Variants in ATP11B observed in about 807,000 individuals in gnomAD.
ATP11B encodes phospholipid-transporting ATPase IF.
Under a neutral mutation model 157.8 loss-of-function variants are expected in ATP11B, and 81 were observed. The ratio of observed to expected loss-of-function variants is 0.51; its 90% CI spans 0.43 to 0.62. ATP11B has a LOEUF of 0.62. Ranked by LOEUF, ATP11B falls within the 20% of genes least tolerant of loss-of-function variation. The pLI is 0.00. For synonymous variants in ATP11B, 451 were observed against 469.4 expected, an observed-to-expected ratio of 0.96 and a Z score of 0.51; for missense variants, 1,165 against 1,402.2, an observed-to-expected ratio of 0.83 and a Z score of 2.70.
intron 1 of ATP11B, among the ~76,000 whole-genome samples, chr3:182,801,664 A>G (rs1716022789): frequency 6.6e-6 from 1 of 152,158 alleles, no homozygotes; most frequent in South Asian, 2.1e-4. Context: ...CCCAGACATT[A>G]TATAATTTTA....
At chr3:182,826,243 A>T (rs1231088260) in intron 2 of ATP11B, among the ~76,000 whole-genome samples, 1 of 152,210 alleles carries the variant, frequency 6.6e-6, no homozygotes, top group African/African-American at 2.4e-5. Flanking sequence ...AGTTTTCATA[A>T]GAAATTTTTA....
intron 4 of ATP11B, chr3:182,833,871 A>G (rs895539721): frequency 6.6e-6 from 1 of 152,210 alleles, no homozygotes; most frequent in Non-Finnish European, 1.5e-5. Context: ...TATTTTGGGG[A>G]ATTGTAAGTC....
At chr3:182,844,486 TC>T (rs1719309016) in intron 8 of ATP11B, 1 of 790,212 alleles carries the variant, frequency 1.3e-6, no homozygotes, top group South Asian at 5.8e-5. Context: ...TATTTTGCTA[TC>T]ACTAAGAAGA....
chr3:182,866,152 T>C lies in ATP11B; in HGVS notation c.1444-116T>C, dbSNP rs1721215314. ...TGAAGGCAGAAACAACCAACTGTTA[T>C]TCAGGCAATCAAGGTTGTAGCACTC... On this transcript the variant is annotated intron_variant, in intron 13 of 29. Transcript: ENST00000323116. 5 of 737,764 alleles carry C rather than the reference T, an allele frequency of 6.8e-6. No individual in the cohort carries two copies. The South Asian group carries it at 1.3e-4, about 19-fold the overall frequency. The allele number at this position is 737,764 out of a possible 1,614,324, so 45.7% of individuals were successfully genotyped here. A position where few individuals can be genotyped will look rare whatever the true frequency, so the allele number is the denominator to read the frequency against.
Position 182,865,715 on chromosome 3 carries a change from TTAATA to T in ATP11B, c.1443+18_1443+22del. 2 of 1,580,138 alleles carry T rather than the reference TTAATA, an allele frequency of 1.3e-6. No individual in the cohort carries two copies. The highest frequency in any genetic ancestry group is 1.7e-6 in the Non-Finnish European group (2 of 1,163,484). ...ACTGAACTAGTAAGTAATTTTTAAA[TTAATA>T]AATAAGGGTTTCATATGAAATAATT... On this transcript the variant is annotated intron_variant, in intron 13 of 29. Transcript: ENST00000323116.
intron 20 of ATP11B, among the ~76,000 whole-genome samples, chr3:182,879,999 G>A (rs966429584): frequency 1.3e-5 from 2 of 152,138 alleles, no homozygotes; most frequent in Non-Finnish European, 2.9e-5. Flanking sequence ...GTTGATCTCC[G>A]TTTATTCTTG....
At chr3:182,809,592 G>A (rs1716531399) in intron 1 of ATP11B, among the ~76,000 whole-genome samples, 1 of 152,114 alleles carries the variant, frequency 6.6e-6, no homozygotes, top group South Asian at 2.1e-4. Context: ...TCCTTTGCTT[G>A]AACTGTCACC....
At chr3:182,876,222 T>A (rs945345641) in intron 19 of ATP11B, among the ~76,000 whole-genome samples, 1 of 152,148 alleles carries the variant, frequency 6.6e-6, no homozygotes, top group African/African-American at 2.4e-5. Context: ...AAAATAATTT[T>A]AAAAAATATT....
chr3:182,873,027 G>C (rs1577058588), intron 18 of ATP11B, among the ~76,000 whole-genome samples: 1 of 152,294 alleles, frequency 6.6e-6, no homozygotes, highest in African/African-American at 2.4e-5. Flanking sequence ...AGTCCAGTAA[G>C]ACCTTTCCTG....
Position 182,887,671 on chromosome 3 carries a change from A to G in ATP11B, c.2801A>G (p.His934Arg), listed in dbSNP as rs200531169. The change falls in exon 24 of 30, where the codon CAT (histidine) becomes CGT (arginine). Residue 934 changes from histidine (H) to arginine (R), a missense_variant. Physicochemically the swap from His to Arg is conservative, Grantham distance 29. Around this residue, in one of 4 missense-constraint regions of ATP11B, gnomAD observed 303 missense variants for 296.3 expected, o/e 1.02. Transcript: ENST00000323116. ...PILIYSLLEQ[H>R]VDPHVLQNKP... Reference sequence around the variant, plus strand: ...CTGATATATAGTCTTTTGGAACAGCATGTAGACCCTCATGTGTTACAAAAT... The same window carrying G: ...CTGATATATAGTCTTTTGGAACAGCGTGTAGACCCTCATGTGTTACAAAAT... 1 of 1,612,820 alleles carries G rather than the reference A, an allele frequency of 6.2e-7. No homozygotes were observed.
At chr3:182,867,016 T>G (rs1411231134) in intron 14 of ATP11B, among the ~76,000 whole-genome samples, 1 of 151,556 alleles carries the variant, frequency 6.6e-6, no homozygotes, top group Non-Finnish European at 1.5e-5. Context: ...ATGCAGCCTC[T>G]GGGGTTCAAG....
chr3:182,862,024 T>C (rs2108537262), intron 12 of ATP11B, among the ~76,000 whole-genome samples: 1 of 151,274 alleles, frequency 6.6e-6, no homozygotes, highest in South Asian at 2.1e-4. Context: ...GGTGGGTAGA[T>C]CACTTGAGCC....
chr3:182,825,722 CAAA>C (rs1214752270), intron 2 of ATP11B, among the ~76,000 whole-genome samples: 28 of 89,614 alleles, frequency 3.1e-4, no homozygotes, highest in African/African-American at 9.2e-4. Context: ...GACTCTGTCT[CAAA>C]AAAAAAAAAA....
chr3:182,917,712 ACTT>A (rs1351710398), intron 29 of ATP11B: 4 of 985,154 alleles, frequency 4.1e-6, no homozygotes, highest in Non-Finnish European at 4.8e-6. Flanking sequence ...TTAATAACAT[ACTT>A]CTTATTGAAT....
chr3:182,813,769 C>T (rs1716809946), intron 1 of ATP11B, among the ~76,000 whole-genome samples: 1 of 151,678 alleles, frequency 6.6e-6, no homozygotes, highest in African/African-American at 2.4e-5. Flanking sequence ...ACTCTGTTGC[C>T]CAGGCTGGAG....
chr3:182,870,689 T>G (rs927359871), intron 17 of ATP11B, among the ~76,000 whole-genome samples: 1 of 152,144 alleles, frequency 6.6e-6, no homozygotes, highest in Non-Finnish European at 1.5e-5. Flanking sequence ...ATCTGCTAAA[T>G]AGGGCTGGGC....
chr3:182,810,246 T>C (rs1337045662), intron 1 of ATP11B, among the ~76,000 whole-genome samples: 3 of 151,988 alleles, frequency 2.0e-5, no homozygotes, highest in Admixed American at 1.3e-4. Context: ...ACAGGAGAAT[T>C]GCTTGAACCC....
At chr3:182,811,656 T>C (rs1458527190) in intron 1 of ATP11B, among the ~76,000 whole-genome samples, 1 of 152,076 alleles carries the variant, frequency 6.6e-6, no homozygotes, top group Non-Finnish European at 1.5e-5. Flanking sequence ...AAATAATAGG[T>C]GGATAGAAAA....
intron 28 of ATP11B, among the ~76,000 whole-genome samples, chr3:182,903,850 A>G (rs551011489): frequency 6.6e-6 from 1 of 152,354 alleles, no homozygotes; most frequent in East Asian, 1.9e-4. Context: ...TTTGTCATAT[A>G]AATATAACTT....
Sources: allele counts gnomAD v4.1 joint callset (sites outside exome capture counted in the v4.1 genomes callset), GRCh38; gene constraint gnomAD v4.1.1; regional missense constraint gnomAD v4.1.1; transcripts MANE v1.5; gene names NCBI Gene and HGNC (gene_info 2026-07-23, HGNC 2026-07-21).